SGCZ: variants seen among roughly 807,000 people sequenced by gnomAD.
SGCZ encodes the protein zeta-sarcoglycan.
Under a neutral mutation model 41.3 loss-of-function variants are expected in SGCZ, and 40 were observed. That is an observed-to-expected ratio of 0.97 (90% CI 0.75 to 1.26). SGCZ has a LOEUF of 1.26. Among genes scored for constraint, SGCZ ranks in the 50% most tolerant of loss-of-function variants. The pLI, the probability that SGCZ is intolerant of heterozygous loss-of-function variation, is 0.00. For synonymous variants in SGCZ, 206 were observed against 137.5 expected, an observed-to-expected ratio of 1.50 and a Z score of -3.49; for missense variants, 552 against 369.8, an observed-to-expected ratio of 1.49 and a Z score of -4.04.
rs183462071 is a variant in SGCZ, at chr8:14,391,288, G to A, written c.235-67084C>T. 2.6e-5 allele frequency among the ~76,000 whole-genome samples: 4 copies of A among 152,064 alleles called. No individual in the cohort carries two copies. The East Asian group carries it at 7.7e-4, about 29-fold the overall frequency. On this transcript the variant is annotated intron_variant, in intron 2 of 7. Transcript: ENST00000382080. ...CTGACAGTTAAAACTTCTTTAACTT[G>A]GATTTTTTTTTCCTTCTTATAAAAG...
intron 1 of SGCZ, among the ~76,000 whole-genome samples, chr8:15,037,114 T>C (rs1312551866): frequency 6.6e-6 from 1 of 152,142 alleles, no homozygotes; most frequent in Non-Finnish European, 1.5e-5. Flanking sequence ...AGGCTATATA[T>C]GATGATGGGG....
At chr8:14,569,050 AG>A (rs2117226314) in intron 1 of SGCZ, among the ~76,000 whole-genome samples, 1 of 152,336 alleles carries the variant, frequency 6.6e-6, no homozygotes, top group East Asian at 1.9e-4. Context: ...AGACTGGTAA[AG>A]GAAGCTTTCG....
At chr8:14,378,116 CA>C (rs1366564564) in intron 2 of SGCZ, among the ~76,000 whole-genome samples, 1 of 150,226 alleles carries the variant, frequency 6.7e-6, no homozygotes, top group Non-Finnish European at 1.5e-5. Context: ...CTGACTTCCA[CA>C]ATGGTTGAAC....
chr8:15,110,694 C>A (rs1239456721), intron 1 of SGCZ, among the ~76,000 whole-genome samples: 1 of 152,144 alleles, frequency 6.6e-6, no homozygotes, highest in African/African-American at 2.4e-5. Context: ...AGAGGCCAGG[C>A]GTGGTGGCTC....
At chr8:14,092,870 C>T (rs1385508702) in intron 7 of SGCZ, among the ~76,000 whole-genome samples, 1 of 151,944 alleles carries the variant, frequency 6.6e-6, no homozygotes, top group Non-Finnish European at 1.5e-5. Flanking sequence ...GCACAGTGAA[C>T]AATATATAAT....
chr8:15,059,119 G>C (rs1189352364), intron 1 of SGCZ, among the ~76,000 whole-genome samples: 1 of 151,982 alleles, frequency 6.6e-6, no homozygotes, highest in Non-Finnish European at 1.5e-5. Flanking sequence ...TATGTTTCCT[G>C]TTTGACAGCA....
At chr8:14,606,696 T>A (rs1805760862) in intron 1 of SGCZ, among the ~76,000 whole-genome samples, 1 of 152,230 alleles carries the variant, frequency 6.6e-6, no homozygotes, top group African/African-American at 2.4e-5. Context: ...AGGTATTTTG[T>A]TCACCACAGT....
intron 3 of SGCZ, among the ~76,000 whole-genome samples, chr8:14,316,531 A>T (rs1005527947): frequency 7.2e-5 from 11 of 152,020 alleles, no homozygotes; most frequent in African/African-American, 2.7e-4. Flanking sequence ...GAGTTAATAG[A>T]AGGAAGGATT....
intron 1 of SGCZ, among the ~76,000 whole-genome samples, chr8:14,736,069 T>C (rs1252596751): frequency 6.6e-6 from 1 of 152,140 alleles, no homozygotes; most frequent in Non-Finnish European, 1.5e-5. Context: ...ATTTAAGCCC[T>C]CATCTAATGT....
At chr8:14,984,131 G>A (rs760534326) in intron 1 of SGCZ, among the ~76,000 whole-genome samples, 9 of 152,090 alleles carry the variant, frequency 5.9e-5, no homozygotes, top group South Asian at 2.1e-4. Context: ...TATAGAGAGC[G>A]CTGTAGTATA....
chr8:14,766,446 T>G (rs139093918), intron 1 of SGCZ, among the ~76,000 whole-genome samples: 3,646 of 152,222 alleles, frequency 0.024, 85 homozygotes, highest in Non-Finnish European at 0.033. Context: ...GGATTATATC[T>G]TCAAGATAAT....
chr8:14,894,021 G>A (rs951871958), intron 1 of SGCZ, among the ~76,000 whole-genome samples: 8 of 152,014 alleles, frequency 5.3e-5, no homozygotes, highest in Non-Finnish European at 7.4e-5. Flanking sequence ...CTGGTGAATG[G>A]CTTTTTTCCT....
At chr8:14,418,197 C>A (rs1034596737) in intron 2 of SGCZ, among the ~76,000 whole-genome samples, 9 of 151,906 alleles carry the variant, frequency 5.9e-5, no homozygotes, top group Non-Finnish European at 1.2e-4. Context: ...GGGATGTATA[C>A]CACTGAGGCA....
chr8:14,980,739 T>A (rs1227905982), intron 1 of SGCZ, among the ~76,000 whole-genome samples: 2 of 46,212 alleles, frequency 4.3e-5, no homozygotes, highest in African/African-American at 1.3e-4. Context: ...GATTCAATCA[T>A]CTCCCACTGG....
rs566402192 is a variant in SGCZ at position 14,200,619 on chromosome 8, G to A, written c.425-35917C>T. On this transcript the variant is annotated intron_variant, in intron 4 of 7. Coordinates refer to ENST00000382080, the MANE Select transcript of SGCZ (RefSeq NM_139167.4). The stretch of plus-strand genomic sequence containing the variant: ...AAAAGAGGTGTTTTTTTGTTTGTTT[G>A]TTTTGTTTTGTTTTTCCAACAAAAC... Among the ~76,000 whole-genome samples the A allele has an allele frequency of 1.3e-5, 2 of 152,018 alleles. 1 individual carries two copies. The highest frequency in any genetic ancestry group is 4.8e-5 in the African/African-American group (2 of 41,498).
intron 1 of SGCZ, among the ~76,000 whole-genome samples, chr8:15,047,899 G>A (rs1804371088): frequency 6.6e-6 from 1 of 151,970 alleles, no homozygotes. Context: ...ATGTAAACTA[G>A]CACAGCCTCT....
chr8:14,789,382 A>G (rs1021494414), intron 1 of SGCZ, among the ~76,000 whole-genome samples: 1 of 152,230 alleles, frequency 6.6e-6, no homozygotes, highest in Admixed American at 6.5e-5. Context: ...GCACATGTCT[A>G]CAAATGACTG....
chr8:14,876,554 G>A (rs767000696), intron 1 of SGCZ, among the ~76,000 whole-genome samples: 30 of 152,056 alleles, frequency 2.0e-4, no homozygotes, highest in East Asian at 5.8e-4. Flanking sequence ...CAACTGAACC[G>A]TACACTTTAA....
chr8:14,404,824 C>T (rs892770889), intron 2 of SGCZ, among the ~76,000 whole-genome samples: 5 of 152,162 alleles, frequency 3.3e-5, no homozygotes, highest in South Asian at 2.1e-4. Context: ...TCAAAGCCCA[C>T]GCGTTTCCAG....
Sources: allele counts gnomAD v4.1 joint callset (sites outside exome capture counted in the v4.1 genomes callset), GRCh38; gene constraint gnomAD v4.1.1; transcripts MANE v1.5; gene names NCBI Gene and HGNC (gene_info 2026-07-23, HGNC 2026-07-21).